Variants in SAMMSON observed in about 807,000 individuals in gnomAD.
The protein encoded by SAMMSON is long intergenic non-protein coding RNA 1212.
At chr3:70,173,557 C>A (rs573711374) in intron 4 of SAMMSON, among the ~76,000 whole-genome samples, 6 of 151,914 alleles carry the variant, frequency 3.9e-5, no homozygotes, top group Admixed American at 3.9e-4. Flanking sequence ...TGCCCTCTCA[C>A]GACTTTTGCA....
At chr3:70,222,346 C>T (rs1427555812) in intron 4 of SAMMSON, among the ~76,000 whole-genome samples, 1 of 152,134 alleles carries the variant, frequency 6.6e-6, no homozygotes, top group Admixed American at 6.5e-5. Context: ...CTCATTTTAG[C>T]TCATTGCTAA....
At chr3:70,283,665 T>G (rs551146854) in intron 6 of SAMMSON, 1 of 152,094 alleles carries the variant, frequency 6.6e-6, no homozygotes, top group East Asian at 1.9e-4. Flanking sequence ...GGAGCTATTT[T>G]CACAATAACA....
At chr3:70,051,720 A>G (rs2067146893) in intron 3 of SAMMSON, among the ~76,000 whole-genome samples, 2 of 141,430 alleles carry the variant, frequency 1.4e-5, no homozygotes, top group South Asian at 4.8e-4. Flanking sequence ...ATCTCTTTCC[A>G]TTTCTATTAA....
At chr3:70,067,146 A>G (rs957338293) in intron 3 of SAMMSON, among the ~76,000 whole-genome samples, 14 of 152,204 alleles carry the variant, frequency 9.2e-5, no homozygotes, top group Admixed American at 6.6e-4. Flanking sequence ...ACAAACAAAC[A>G]AAAAAACCAA....
At chr3:70,336,991 T>TTTAATAATAATATCTAACTTAATATTA (rs1559566616) in intron 7 of SAMMSON, among the ~76,000 whole-genome samples, 2 of 144,770 alleles carry the variant, frequency 1.4e-5, no homozygotes, top group African/African-American at 5.1e-5. Flanking sequence ...ATCAGAATGA[T>TTTAATAATAATATCTAACTTAATATTA]TTAATAATAA....
chr3:70,287,365 G>A (rs145727217), intron 6 of SAMMSON, among the ~76,000 whole-genome samples: 9,135 of 149,892 alleles, frequency 0.061, 358 homozygotes, highest in East Asian at 0.16. Flanking sequence ...TACATTTATT[G>A]ATTTGCATAT....
chr3:70,179,006 A>G (rs1345122866), intron 4 of SAMMSON, among the ~76,000 whole-genome samples: 1 of 152,118 alleles, frequency 6.6e-6, no homozygotes, highest in Non-Finnish European at 1.5e-5. Flanking sequence ...GTCTCAAAAT[A>G]ATAGTAATAA....
intron 3 of SAMMSON, among the ~76,000 whole-genome samples, chr3:70,032,265 G>A (rs2067068901): frequency 1.3e-5 from 2 of 151,126 alleles, no homozygotes; most frequent in African/African-American, 4.9e-5. Flanking sequence ...AGGAGGAGAA[G>A]GGTACAGGCA....
chr3:70,352,197 A>G (rs1324330268), intron 7 of SAMMSON, among the ~76,000 whole-genome samples: 1 of 152,082 alleles, frequency 6.6e-6, no homozygotes, highest in Non-Finnish European at 1.5e-5. Flanking sequence ...TCATCCCAAG[A>G]GACCTCATAG....
chr3:70,373,548 A>G (rs1702988113), intron 9 of SAMMSON, among the ~76,000 whole-genome samples: 1 of 152,068 alleles, frequency 6.6e-6, no homozygotes, highest in Non-Finnish European at 1.5e-5. Flanking sequence ...ATTTCTTTGG[A>G]TACTTTTTCC....
intron 4 of SAMMSON, among the ~76,000 whole-genome samples, chr3:70,230,716 G>C (rs1701550900): frequency 6.6e-6 from 1 of 152,122 alleles, no homozygotes; most frequent in East Asian, 1.9e-4. Flanking sequence ...TGTAAGTGGT[G>C]GTTTGTCTGT....
chr3:70,088,873 C>G (rs961697491), intron 4 of SAMMSON, among the ~76,000 whole-genome samples: 1 of 152,214 alleles, frequency 6.6e-6, no homozygotes, highest in Non-Finnish European at 1.5e-5. Flanking sequence ...CCCTCAAGAT[C>G]TCAGATCAGA....
chr3:70,070,786 A>G (rs1170424521), intron 3 of SAMMSON, among the ~76,000 whole-genome samples: 6 of 152,058 alleles, frequency 3.9e-5, no homozygotes, highest in African/African-American at 1.2e-4. Context: ...TGAGGTGTAT[A>G]TTGAAAGACA....
intron 4 of SAMMSON, among the ~76,000 whole-genome samples, chr3:70,248,055 A>C (rs1186855446): frequency 6.6e-6 from 1 of 152,048 alleles, no homozygotes; most frequent in Non-Finnish European, 1.5e-5. Context: ...GGAGAATGGT[A>C]AAGGAGATAG....
rs571711390 is a variant in SAMMSON at position 70,080,096 on chromosome 3, A to G, written n.507+8531A>G. 1.4e-3 allele frequency among the ~76,000 whole-genome samples: 220 copies of G among 152,218 alleles called. 6 individuals carry two copies. Among genetic ancestry groups the G allele is most frequent in the Admixed American group, 0.014 (218 of 15,290 alleles). On this transcript the variant is annotated intron_variant and non_coding_transcript_variant, in intron 4 of 9. Coordinates refer to ENST00000642114, the Ensembl canonical transcript of SAMMSON. ...TCTATCTGGCTTCACTTTTTTCATT[A>G]CAGGTTTGTTCTAAAGAATTAAGTC...
In SAMMSON at chr3:70,196,108, T is replaced by C. The variant is rs568816948; in HGVS notation, n.508-52999T>C. 2.6e-5 allele frequency among the ~76,000 whole-genome samples: 4 copies of C among 152,328 alleles called. No individual in the cohort carries two copies. In the East Asian group the frequency reaches 7.7e-4, roughly 29 times the overall value. ...TGTTTTAATATCCTGTTGCTTATTGTACCTGACAAATAAAAATGAAGAAAG... is the reference window on the plus strand; with the variant it reads ...TGTTTTAATATCCTGTTGCTTATTGCACCTGACAAATAAAAATGAAGAAAG... On this transcript the variant is annotated intron_variant and non_coding_transcript_variant, in intron 4 of 9. Transcript: ENST00000642114.
intron 4 of SAMMSON, among the ~76,000 whole-genome samples, chr3:70,130,932 C>T (rs2067480050): frequency 6.6e-6 from 1 of 152,092 alleles, no homozygotes; most frequent in Non-Finnish European, 1.5e-5. Context: ...AGTACAATAA[C>T]TGGTTGTTTT....
chr3:70,343,139 G>A (rs1376134564), intron 7 of SAMMSON, among the ~76,000 whole-genome samples: 1 of 152,058 alleles, frequency 6.6e-6, no homozygotes, highest in Admixed American at 6.6e-5. Context: ...ACAGTACAGA[G>A]TTCCCAAATA....
intron 4 of SAMMSON, among the ~76,000 whole-genome samples, chr3:70,093,887 G>A (rs1165692201): frequency 6.6e-6 from 1 of 152,098 alleles, no homozygotes; most frequent in African/African-American, 2.4e-5. Context: ...TCTTAAATGG[G>A]TGATTGAAGT....
Sources: gnomAD v4.1 joint callset for allele counts (sites outside exome capture counted in the v4.1 genomes callset) on GRCh38, gnomAD v4.1.1 for gene constraint, MANE v1.5 for transcripts, NCBI Gene and HGNC (gene_info 2026-07-23, HGNC 2026-07-21) for gene names.